LTBP2: variants seen among roughly 807,000 people sequenced by gnomAD.
The protein encoded by LTBP2 is latent transforming growth factor beta binding protein 2.
Under a neutral mutation model 210.6 loss-of-function variants are expected in LTBP2, and 103 were observed. The observed-to-expected ratio is 0.49, with a 90% CI of 0.42 to 0.58. The LOEUF (loss-of-function observed/expected upper bound fraction) is 0.58, where lower values mean the gene tolerates loss of function less well. LTBP2 is among the 20% of genes least tolerant of loss of function. The pLI is 0.00. For missense variants in LTBP2, 2,313 were observed against 2,494.5 expected (o/e 0.93, Z 1.55); for synonymous variants, 1,007 against 1,015.0 (o/e 0.99, Z 0.15).
At chr14:74,513,354 T>A (rs1187917669) in intron 18 of LTBP2, among the ~76,000 whole-genome samples, 1 of 152,250 alleles carries the variant, frequency 6.6e-6, no homozygotes, top group Non-Finnish European at 1.5e-5. Flanking sequence ...TACGGATAAT[T>A]TATGGACCAA....
chr14:74,555,772 C>A, intron 3 of LTBP2, 79 bp from the exon 4 acceptor site: 3 of 1,130,116 alleles, frequency 2.7e-6, no homozygotes, highest in Non-Finnish European at 3.6e-6. Context: ...GCCACCCACT[C>A]TCTGCCTTTG....
intron 35 of LTBP2, 28 bp downstream of exon 35, chr14:74,501,413 G>T: frequency 6.2e-7 from 1 of 1,613,904 alleles, no homozygotes; most frequent in South Asian, 1.1e-5. Context: ...GGGCCAGCCT[G>T]ACTCCTCCAT....
intron 22 of LTBP2, 101 bp downstream of exon 22, chr14:74,509,137 C>G: frequency 6.3e-7 from 1 of 1,588,634 alleles, no homozygotes; most frequent in South Asian, 1.1e-5. Context: ...GGGATGATGG[C>G]AGCTCCTCCA....
intron 13 of LTBP2, among the ~76,000 whole-genome samples, chr14:74,526,670 T>G (rs2087277576): frequency 6.6e-6 from 1 of 152,110 alleles, no homozygotes; most frequent in Admixed American, 6.5e-5. Context: ...GGGGACATCA[T>G]ATGGTGGCCC....
In LTBP2 at chr14:74,525,240, G is replaced by A. The variant is rs1388680585; in HGVS notation, c.2429-15C>T. 1 of 1,303,068 alleles carries A rather than the reference G, an allele frequency of 7.7e-7. No homozygotes were observed. The highest frequency in any genetic ancestry group is 9.9e-7 in the Non-Finnish European group (1 of 1,009,986). 80.7% of individuals were successfully genotyped at this position (1,303,068 alleles called of 1,614,324 possible). On this transcript the variant is annotated splice_polypyrimidine_tract_variant and intron_variant, in intron 14 of 35. Coordinates refer to ENST00000261978, the MANE Select transcript of LTBP2 (RefSeq NM_000428.3). ...TGTGGCATTCCCTGTGGAGGAGAGA[G>A]GGGAAGAGGTGGGGTTGTGGCCCCT... is the stretch of plus-strand genomic sequence containing the variant.
chr14:74,587,479 T>C (rs956608695), intron 2 of LTBP2, among the ~76,000 whole-genome samples: 1 of 151,164 alleles, frequency 6.6e-6, no homozygotes, highest in Non-Finnish European at 1.5e-5. Context: ...AAGAGAGAGA[T>C]GGGAGCGTGC....
intron 13 of LTBP2, among the ~76,000 whole-genome samples, chr14:74,526,690 A>G (rs1407747016): frequency 6.6e-6 from 1 of 152,202 alleles, no homozygotes; most frequent in Non-Finnish European, 1.5e-5. Context: ...CAGGGACAGA[A>G]CAAGGCACCC....
chr14:74,560,143 T>C (rs2087776114), intron 3 of LTBP2: 1 of 152,182 alleles, frequency 6.6e-6, no homozygotes, highest in Admixed American at 6.5e-5. Flanking sequence ...AAGTCGCTTT[T>C]TATTTAGGTT....
intron 3 of LTBP2, among the ~76,000 whole-genome samples, chr14:74,575,412 T>A (rs938609984): frequency 1.3e-5 from 2 of 152,088 alleles, no homozygotes; most frequent in South Asian, 2.1e-4. Context: ...TCTCTCTCCT[T>A]CCCAGAAAGA....
chr14:74,591,158 A>G (rs561486239), intron 2 of LTBP2, among the ~76,000 whole-genome samples: 24 of 152,322 alleles, frequency 1.6e-4, no homozygotes, highest in African/African-American at 5.1e-4. Context: ...TATCTTGATC[A>G]GACTGGGTGC....
intron 3 of LTBP2, among the ~76,000 whole-genome samples, chr14:74,562,318 A>G (rs2087804505): frequency 1.3e-5 from 2 of 152,178 alleles, no homozygotes; most frequent in East Asian, 3.9e-4. Context: ...TGGGTAAAGC[A>G]CAGATTAGAG....
chr14:74,556,205 T>G (rs1473639470), intron 3 of LTBP2, among the ~76,000 whole-genome samples: 1 of 152,228 alleles, frequency 6.6e-6, no homozygotes, highest in Non-Finnish European at 1.5e-5. Context: ...TCTCATTGAT[T>G]TTTATTGTAA....
rs777661862 is a variant in LTBP2 at position 74,500,903 on chromosome 14, T to TG, written c.5446dup (p.His1816ProfsTer28). 18 of 1,613,686 alleles carry TG rather than the reference T, an allele frequency of 1.1e-5. No homozygotes were observed. The highest frequency in any genetic ancestry group is 4.0e-5 in the African/African-American group (3 of 74,852). On this transcript the variant is annotated frameshift_variant, in exon 36 of 36. Transcript: ENST00000261978. LOFTEE classifies it high-confidence loss of function. Reference sequence around the variant, plus strand: ...TGACTGCTACTCCTTGGCAGTGCAGTGGGGGGGCCCTGCCTCAGCCACATA... The same window carrying TG: ...TGACTGCTACTCCTTGGCAGTGCAGTGGGGGGGGCCCTGCCTCAGCCACATA...
intron 3 of LTBP2, among the ~76,000 whole-genome samples, chr14:74,582,379 TGC>T (rs1566648693): frequency 2.9e-4 from 39 of 133,138 alleles, no homozygotes; most frequent in African/African-American, 1.2e-3. Flanking sequence ...TCTGTGTACA[TGC>T]ACACACACAC....
At chr14:74,550,470 T>C (rs997319132) in intron 7 of LTBP2, among the ~76,000 whole-genome samples, 1 of 152,208 alleles carries the variant, frequency 6.6e-6, no homozygotes, top group African/African-American at 2.4e-5. Context: ...CCTTAGTTTC[T>C]GGAAACTAAG....
intron 3 of LTBP2, among the ~76,000 whole-genome samples, chr14:74,572,444 T>TC (rs1246302221): frequency 1.6e-5 from 2 of 125,926 alleles, no homozygotes; most frequent in Admixed American, 8.1e-5. Context: ...TCAGAATGCC[T>TC]CCCTTTTTTT....
chr14:74,559,031 A>C (rs1450135016), intron 3 of LTBP2, among the ~76,000 whole-genome samples: 1 of 152,198 alleles, frequency 6.6e-6, no homozygotes, highest in Non-Finnish European at 1.5e-5. Flanking sequence ...AGACCATGCA[A>C]TTATTTCACA....
At chr14:74,592,186 C>T (rs945817846) in intron 2 of LTBP2, among the ~76,000 whole-genome samples, 1 of 152,192 alleles carries the variant, frequency 6.6e-6, no homozygotes, top group Non-Finnish European at 1.5e-5. Flanking sequence ...AAAAGGAAAT[C>T]GGCCATCTCA....
chr14:74,602,487 G>C (rs1349225713), intron 2 of LTBP2, among the ~76,000 whole-genome samples: 1 of 152,188 alleles, frequency 6.6e-6, no homozygotes, highest in Non-Finnish European at 1.5e-5. Context: ...CAGGGTACAG[G>C]TATTAAGAAG....
Sources: allele counts gnomAD v4.1 joint callset (sites outside exome capture counted in the v4.1 genomes callset), GRCh38; gene constraint gnomAD v4.1.1; transcripts MANE v1.5; gene names NCBI Gene and HGNC (gene_info 2026-07-23, HGNC 2026-07-21).